Variants in SYNDIG1 observed in about 807,000 individuals in gnomAD.
The protein encoded by SYNDIG1 is synapse differentiation inducing 1.
SYNDIG1 carries 9 observed loss-of-function variants against 19.4 expected under a neutral mutation model. That is an observed-to-expected ratio of 0.46 (90% CI 0.28 to 0.81). The LOEUF (loss-of-function observed/expected upper bound fraction) is 0.81. Among genes scored for constraint, SYNDIG1 ranks in the 30% least tolerant of loss-of-function variants. The pLI, the probability that SYNDIG1 is intolerant of heterozygous loss-of-function variation, is 0.12. For synonymous variants in SYNDIG1, 141 were observed against 145.9 expected (o/e 0.97, Z 0.24); for missense variants, 311 against 343.3 (o/e 0.91, Z 0.74).
rs561341791 is a variant in SYNDIG1, at chr20:24,523,190, A to G, written c.-78-19830A>G. Among the ~76,000 whole-genome samples the G allele has an allele frequency of 8.5e-5, 13 of 152,334 alleles. No individual in the cohort carries two copies. In the South Asian group the frequency reaches 2.7e-3, roughly 32 times the overall value. ...AATCCAGCTCTGCAGCTTATAGGCG[A>G]AAGACCTTAAACAGGTTGCTTCAGT... On this transcript the variant is annotated intron_variant, in intron 1 of 3. Transcript: ENST00000376862.
At chr20:24,496,485 A>G (rs887003180) in intron 1 of SYNDIG1, among the ~76,000 whole-genome samples, 6 of 152,164 alleles carry the variant, frequency 3.9e-5, no homozygotes, top group African/African-American at 1.4e-4. Context: ...TTGATTCTAA[A>G]AGCATGGGTT....
At chr20:24,548,861 A>G (rs1430037627) in intron 2 of SYNDIG1, among the ~76,000 whole-genome samples, 2 of 152,156 alleles carry the variant, frequency 1.3e-5, no homozygotes, top group African/African-American at 4.8e-5. Flanking sequence ...ACTCATAATC[A>G]GGTATAGGAA....
intron 3 of SYNDIG1, among the ~76,000 whole-genome samples, chr20:24,586,394 G>A (rs1188134292): frequency 6.6e-6 from 1 of 152,180 alleles, no homozygotes; most frequent in Non-Finnish European, 1.5e-5. Flanking sequence ...CTGACTCCTG[G>A]GTCTGGCAGG....
chr20:24,537,774 G>A (rs2057390897), intron 1 of SYNDIG1, among the ~76,000 whole-genome samples: 1 of 152,124 alleles, frequency 6.6e-6, no homozygotes, highest in Middle Eastern at 3.2e-3. Flanking sequence ...GGCTGGAAGT[G>A]TACTTGAGGG....
At chr20:24,531,259 C>T (rs1399048250) in intron 1 of SYNDIG1, among the ~76,000 whole-genome samples, 2 of 152,136 alleles carry the variant, frequency 1.3e-5, no homozygotes, top group Non-Finnish European at 2.9e-5. Flanking sequence ...TAATTAGCCA[C>T]ACAGGGATGG....
At chr20:24,585,113 G>A (rs2147034571) in intron 3 of SYNDIG1, 120 bp downstream of exon 3, 2 of 1,332,196 alleles carry the variant, frequency 1.5e-6, no homozygotes, top group South Asian at 1.4e-5. Flanking sequence ...CTACAGCTGG[G>A]TCGGCACTTG....
chr20:24,485,817 T>C (rs1274686048), intron 1 of SYNDIG1, among the ~76,000 whole-genome samples: 1 of 152,138 alleles, frequency 6.6e-6, no homozygotes, highest in Non-Finnish European at 1.5e-5. Flanking sequence ...GAGCTGGATC[T>C]CTATAGTCCT....
intron 3 of SYNDIG1, among the ~76,000 whole-genome samples, chr20:24,593,603 G>C (rs894044895): frequency 6.6e-6 from 1 of 152,174 alleles, no homozygotes; most frequent in Non-Finnish European, 1.5e-5. Flanking sequence ...AGTTAGTTGA[G>C]AAATTGCCAC....
chr20:24,566,198 G>A (rs374869586), intron 2 of SYNDIG1, among the ~76,000 whole-genome samples: 52 of 152,272 alleles, frequency 3.4e-4, no homozygotes, highest in African/African-American at 1.1e-3. Context: ...CCTGCTGGCT[G>A]CCACCACCAG....
At chr20:24,626,576 C>A (rs1443360571) in intron 3 of SYNDIG1, among the ~76,000 whole-genome samples, 1 of 151,792 alleles carries the variant, frequency 6.6e-6, no homozygotes, top group Non-Finnish European at 1.5e-5. Context: ...GGCAGAGACG[C>A]TCCTCACTTT....
intron 1 of SYNDIG1, among the ~76,000 whole-genome samples, chr20:24,490,135 A>G (rs533127686): frequency 2.1e-4 from 32 of 152,206 alleles, no homozygotes; most frequent in Non-Finnish European, 4.3e-4. Flanking sequence ...TGCTGTGGGC[A>G]GTGACAGGGG....
intron 3 of SYNDIG1, among the ~76,000 whole-genome samples, chr20:24,651,081 A>G (rs538267012): frequency 5.9e-5 from 9 of 152,248 alleles, no homozygotes; most frequent in South Asian, 4.2e-4. Flanking sequence ...CAGGCAATCC[A>G]TCTGCCTCTG....
At chr20:24,540,662 A>AT (rs1300587308) in intron 1 of SYNDIG1, among the ~76,000 whole-genome samples, 2 of 152,076 alleles carry the variant, frequency 1.3e-5, no homozygotes, top group Admixed American at 6.6e-5. Flanking sequence ...ATAATTACGT[A>AT]TTTTTTGTCT....
intron 1 of SYNDIG1, among the ~76,000 whole-genome samples, chr20:24,500,619 T>C (rs187547473): frequency 2.0e-5 from 3 of 152,132 alleles, no homozygotes; most frequent in Non-Finnish European, 2.9e-5. Context: ...TGTGCCATGC[T>C]TGTTACAGAT....
chr20:24,661,916 G>T (rs2059608557), intron 3 of SYNDIG1, among the ~76,000 whole-genome samples: 1 of 152,156 alleles, frequency 6.6e-6, no homozygotes, highest in South Asian at 2.1e-4. Flanking sequence ...CCACCAGAGA[G>T]AATTGCTGGT....
intron 3 of SYNDIG1, among the ~76,000 whole-genome samples, chr20:24,633,590 C>T (rs2059279265): frequency 6.6e-6 from 1 of 152,182 alleles, no homozygotes; most frequent in South Asian, 2.1e-4. Context: ...TCAATTCCTC[C>T]ATCCTTTTTT....
intron 1 of SYNDIG1, among the ~76,000 whole-genome samples, chr20:24,510,366 C>G (rs1161169213): frequency 6.6e-6 from 1 of 150,450 alleles, no homozygotes; most frequent in South Asian, 2.1e-4. Context: ...GTCAGGAGTT[C>G]AAGACCAGCC....
intron 1 of SYNDIG1, among the ~76,000 whole-genome samples, chr20:24,535,235 A>G (rs1175040975): frequency 1.3e-5 from 2 of 152,218 alleles, no homozygotes; most frequent in Admixed American, 6.5e-5. Flanking sequence ...TTGTGTGTAG[A>G]CACCTCCTGG....
At chr20:24,479,509 AG>A (rs999002631) in intron 1 of SYNDIG1, among the ~76,000 whole-genome samples, 1 of 151,872 alleles carries the variant, frequency 6.6e-6, no homozygotes, top group Admixed American at 6.6e-5. Context: ...CCAGCCCCTC[AG>A]GCTTCCCTTC....
Sources: allele counts gnomAD v4.1 joint callset (sites outside exome capture counted in the v4.1 genomes callset), GRCh38; gene constraint gnomAD v4.1.1; transcripts MANE v1.5; gene names NCBI Gene and HGNC (gene_info 2026-07-23, HGNC 2026-07-21).